The following ATG4A variants were observed in gnomAD, a reference collection of about 807,000 sequenced individuals.
ATG4A encodes autophagy related 4A cysteine peptidase, also known as cysteine protease ATG4A.
In ATG4A, 22 loss-of-function variants were observed where a neutral mutation model predicts 38.4. The observed-to-expected ratio is 0.57, with a 90% CI of 0.41 to 0.82. The LOEUF is 0.82. Ranked by LOEUF, ATG4A falls within the 40% of genes least tolerant of loss-of-function variation. The pLI is 0.00. For synonymous variants in ATG4A, 86 were observed against 100.7 expected (o/e 0.85, Z 0.88); for missense variants, 220 against 290.0 (o/e 0.76, Z 1.75).
At chrX:108,129,682 TGCCTCAGCCTCCC>T (rs1202741546) in intron 3 of ATG4A, among the ~76,000 whole-genome samples, 2 of 107,167 alleles carry the variant, frequency 1.9e-5, no homozygotes, top group African/African-American at 6.8e-5. Context: ...GCCATTCTCC[TGCCTCAGCCTCCC>T]GAGTAGCTGG....
At chrX:108,136,131 G>A (rs941268489) in intron 6 of ATG4A, among the ~76,000 whole-genome samples, 130 of 110,844 alleles carry the variant, frequency 1.2e-3, no homozygotes, top group African/African-American at 4.1e-3. Flanking sequence ...ATGATCATTA[G>A]CATTAACAAC....
chrX:108,095,571 T>C (rs958199052), intron 1 of ATG4A, among the ~76,000 whole-genome samples: 2 of 111,660 alleles, frequency 1.8e-5, no homozygotes, highest in Non-Finnish European at 3.8e-5. Flanking sequence ...GTGGAATTGC[T>C]GGGTCATATC....
chrX:108,145,236 A>G (rs1316001501), intron 9 of ATG4A, among the ~76,000 whole-genome samples: 2 of 112,499 alleles, frequency 1.8e-5, no homozygotes, highest in Non-Finnish European at 3.8e-5. Flanking sequence ...AATGTCATCA[A>G]TGTAATGGAC....
chrX:108,131,531 A>T (rs1290057532), intron 4 of ATG4A, among the ~76,000 whole-genome samples, 173 bp downstream of exon 4: 1 of 112,221 alleles, frequency 8.9e-6, no homozygotes, highest in Non-Finnish European at 1.9e-5. Flanking sequence ...GCCCCTCATA[A>T]GAAGGAAACA....
At chrX:108,088,979 C>T (rs751955647), upstream of ATG4A, 673 of 440,273 alleles carry the variant, frequency 1.5e-3, no homozygotes, top group Non-Finnish European at 2.3e-3. Context: ...AGGTAGGTAA[C>T]CTTAAACTAT....
intron 3 of ATG4A, among the ~76,000 whole-genome samples, chrX:108,130,891 C>T (rs756317349): frequency 2.7e-5 from 3 of 111,498 alleles, no homozygotes; most frequent in Non-Finnish European, 3.8e-5. Flanking sequence ...TGCAAGTGAG[C>T]TATGCAAGGC....
At chrX:108,145,110 G>A (rs751848657) in intron 9 of ATG4A, among the ~76,000 whole-genome samples, 1 of 112,271 alleles carries the variant, frequency 8.9e-6, no homozygotes, top group African/African-American at 3.2e-5. Flanking sequence ...AAATTTTACT[G>A]AAGTAGAAGG....
intron 1 of ATG4A, among the ~76,000 whole-genome samples, chrX:108,117,559 A>C (rs2032542946): frequency 8.9e-6 from 1 of 111,832 alleles, no homozygotes; most frequent in East Asian, 2.8e-4. Flanking sequence ...AGTAGATATT[A>C]TGAAGGAGTA....
chrX:108,133,657 T>C (rs1377794970), intron 4 of ATG4A, among the ~76,000 whole-genome samples: 1 of 112,424 alleles, frequency 8.9e-6, no homozygotes, highest in East Asian at 2.8e-4. Context: ...AAGCCATTGC[T>C]GTCTATGTGG....
At chrX:108,089,694 G>A (rs751976874), upstream of ATG4A, among the ~76,000 whole-genome samples, 58 of 110,302 alleles carry the variant, frequency 5.3e-4, no homozygotes, top group Middle Eastern at 4.6e-3. Context: ...TTAGCCAGGC[G>A]TGGTGGCAGG....
rs1398437225 is a variant in ATG4A at position 108,140,357 on chromosome X, T to G, written c.814+2166T>G. On this transcript the variant is annotated intron_variant, in intron 9 of 12. Coordinates refer to ENST00000372232, the MANE Select transcript of ATG4A (RefSeq NM_052936.5). ...CCTGTTAACTTTTATAAGTCCTTTG[T>G]GCAAACTTCACTTGAGGGCTTTAAG... Among the ~76,000 whole-genome samples, 11 of 110,881 alleles carry G rather than the reference T, an allele frequency of 9.9e-5. No homozygotes were observed. The Admixed American group carries it at 1.1e-3, about 11-fold the overall frequency.
intron 6 of ATG4A, 112 bp downstream of exon 6, chrX:108,134,523 C>T (rs1282440407): frequency 1.5e-6 from 1 of 649,158 alleles, no homozygotes; most frequent in Non-Finnish European, 2.3e-6. Context: ...CTAAGCTACT[C>T]CTCCCACTAA....
rs2033256590 is a variant in ATG4A at position 108,141,058 on chromosome X, G to GTA, written c.814+2868_814+2869insAT. On this transcript the variant is annotated intron_variant, in intron 9 of 12. Transcript: ENST00000372232. ...TATATACATATATATACATATATAC[G>GTA]TGTATATATATACATATATATATAT... 1.6e-3 allele frequency among the ~76,000 whole-genome samples: 49 copies of GTA among 30,570 alleles called. 9 individuals carry two copies. The highest frequency in any genetic ancestry group is 1.9e-3 in the Non-Finnish European group (32 of 16,640). The allele number at this position is 30,570 out of a possible 115,157, so 26.5% of individuals were successfully genotyped here.
At chrX:108,106,924 G>A (rs1327857503) in intron 1 of ATG4A, among the ~76,000 whole-genome samples, 3 of 111,300 alleles carry the variant, frequency 2.7e-5, no homozygotes, top group South Asian at 3.7e-4. Flanking sequence ...GTAGGCTTAC[G>A]TCTTTTGCCA....
intron 4 of ATG4A, 58 bp from the exon 5 acceptor site, chrX:108,133,999 G>A: frequency 1.1e-6 from 1 of 932,479 alleles, no homozygotes; most frequent in Non-Finnish European, 1.5e-6. Context: ...CAATAAAAGT[G>A]CAGAGAGGAA....
chrX:108,099,582 C>T, intron 1 of ATG4A, among the ~76,000 whole-genome samples: 1 of 111,552 alleles, frequency 9.0e-6, no homozygotes, highest in Non-Finnish European at 1.9e-5. Flanking sequence ...AGTCGTAGGT[C>T]TCAAATATTT....
At chrX:108,143,755 C>A in intron 9 of ATG4A, 1 of 227,197 alleles carries the variant, frequency 4.4e-6, no homozygotes, top group South Asian at 5.1e-5. Context: ...AAAAATTTTG[C>A]TGGTGGATCA....
At chrX:108,113,774 T>C (rs2032432520) in intron 1 of ATG4A, among the ~76,000 whole-genome samples, 1 of 111,518 alleles carries the variant, frequency 9.0e-6, no homozygotes. Context: ...ATGAGACTTA[T>C]TCACTATCAC....
intron 1 of ATG4A, among the ~76,000 whole-genome samples, chrX:108,097,628 G>T (rs1396691689): frequency 8.9e-6 from 1 of 111,754 alleles, no homozygotes; most frequent in Non-Finnish European, 1.9e-5. Flanking sequence ...CCCCCCACTT[G>T]TTCCTTTTTA....
Sources: gnomAD v4.1 joint callset for allele counts (sites outside exome capture counted in the v4.1 genomes callset) on GRCh38, gnomAD v4.1.1 for gene constraint, MANE v1.5 for transcripts, NCBI Gene and HGNC (gene_info 2026-07-23, HGNC 2026-07-21) for gene names.